NRG1: variants seen among roughly 807,000 people sequenced by gnomAD.
NRG1 encodes neuregulin 1.
NRG1 carries 18 observed loss-of-function variants against 63.8 expected under a neutral mutation model. The ratio of observed to expected loss-of-function variants is 0.28; its 90% CI spans 0.19 to 0.42. The LOEUF (loss-of-function observed/expected upper bound fraction) is 0.42, where lower values mean the gene tolerates loss of function less well. Among genes scored for constraint, NRG1 ranks in the 10% least tolerant of loss-of-function variants. The pLI, the probability that NRG1 is intolerant of heterozygous loss-of-function variation, is 1.00. For synonymous variants in NRG1, 302 were observed against 301.3 expected, an observed-to-expected ratio of 1.00 and a Z score of -0.02; for missense variants, 762 against 814.7, an observed-to-expected ratio of 0.94 and a Z score of 0.79.
At chr8:31,927,649 C>A (rs564706897) in intron 1 of NRG1, among the ~76,000 whole-genome samples, 2 of 148,360 alleles carry the variant, frequency 1.3e-5, no homozygotes, top group Non-Finnish European at 3.0e-5. Context: ...GGGGTTTCAC[C>A]GTTTTAGCCG....
chr8:32,398,519 T>C (rs1321094683), intron 1 of NRG1, among the ~76,000 whole-genome samples: 2 of 151,988 alleles, frequency 1.3e-5, no homozygotes, highest in African/African-American at 2.4e-5. Context: ...CGAGCGATTT[T>C]CCTGCCTCAG....
Position 31,760,723 on chromosome 8 carries a change from A to C in NRG1, c.37+121292A>C, listed in dbSNP as rs569661911. Among the ~76,000 whole-genome samples, 10 of 152,352 alleles carry C rather than the reference A, an allele frequency of 6.6e-5. No homozygotes were observed. The South Asian group carries it at 1.9e-3, about 28-fold the overall frequency. On this transcript the variant is annotated intron_variant, in intron 1 of 10. Coordinates refer to the NRG1 transcript ENST00000519301. ...AAAATGCTCATCATCACTGGCCATCAGAGAAATGCAAATCAAAACCACAAT... is the reference window on the plus strand; with the variant it reads ...AAAATGCTCATCATCACTGGCCATCCGAGAAATGCAAATCAAAACCACAAT...
At chr8:32,407,855 T>G (rs773791548) in intron 1 of NRG1, among the ~76,000 whole-genome samples, 7 of 152,186 alleles carry the variant, frequency 4.6e-5, no homozygotes, top group Non-Finnish European at 8.8e-5. Context: ...AAGAAGAATT[T>G]GACTATAGGG....
intron 1 of NRG1, among the ~76,000 whole-genome samples, chr8:32,026,588 ATTAATG>A (rs1213697701): frequency 6.6e-6 from 1 of 152,216 alleles, no homozygotes; most frequent in African/African-American, 2.4e-5. Flanking sequence ...CTGAAATAAA[ATTAATG>A]TTATTCTACC....
intron 1 of NRG1, among the ~76,000 whole-genome samples, chr8:32,396,168 A>G (rs1012773086): frequency 1.3e-5 from 2 of 152,064 alleles, no homozygotes; most frequent in African/African-American, 4.8e-5. Flanking sequence ...TAAGTCCCCC[A>G]ATGTTTTTCT....
chr8:31,914,422 T>G (rs954018307), intron 1 of NRG1, among the ~76,000 whole-genome samples: 7 of 151,812 alleles, frequency 4.6e-5, no homozygotes, highest in African/African-American at 1.7e-4. Flanking sequence ...TTTTTTTTTT[T>G]GAAGATGACT....
intron 1 of NRG1, among the ~76,000 whole-genome samples, chr8:31,848,015 A>G (rs1427150637): frequency 6.6e-6 from 1 of 152,226 alleles, no homozygotes; most frequent in East Asian, 1.9e-4. Context: ...CTTTCATTCT[A>G]GACACATAAA....
chr8:32,089,115 T>A (rs1414122108), intron 1 of NRG1, among the ~76,000 whole-genome samples: 1 of 152,170 alleles, frequency 6.6e-6, no homozygotes, highest in Admixed American at 6.5e-5. Flanking sequence ...CATGGATCCC[T>A]GGTGGAGGGG....
intron 1 of NRG1, among the ~76,000 whole-genome samples, chr8:31,970,937 G>A (rs1005037626): frequency 6.6e-6 from 1 of 151,974 alleles, no homozygotes; most frequent in Non-Finnish European, 1.5e-5. Flanking sequence ...CCAGCTACTC[G>A]GGAGGCTGAG....
chr8:32,238,731 AC>A (rs1847823044), intron 1 of NRG1, among the ~76,000 whole-genome samples: 1 of 152,170 alleles, frequency 6.6e-6, no homozygotes, highest in South Asian at 2.1e-4. Context: ...TCAGAAGCTT[AC>A]CACACTTCTC....
intron 1 of NRG1, among the ~76,000 whole-genome samples, chr8:31,778,317 G>A (rs539243913): frequency 6.6e-6 from 1 of 152,220 alleles, no homozygotes; most frequent in South Asian, 2.1e-4. Context: ...CGATCCTGGT[G>A]GAAGCATGAA....
chr8:31,918,838 C>T (rs866812516), intron 1 of NRG1, among the ~76,000 whole-genome samples: 1 of 150,678 alleles, frequency 6.6e-6, no homozygotes, highest in Non-Finnish European at 1.5e-5. Context: ...GTCCTGGACT[C>T]TTTTTGGTTG....
intron 1 of NRG1, among the ~76,000 whole-genome samples, chr8:32,550,193 C>T (rs767509220): frequency 8.5e-5 from 13 of 152,130 alleles, no homozygotes; most frequent in Non-Finnish European, 1.8e-4. Context: ...TAAGATCCTG[C>T]TGATCATATT....
intron 1 of NRG1, chr8:32,099,469 G>A (rs946978477): frequency 1.4e-4 from 22 of 152,214 alleles, no homozygotes; most frequent in Admixed American, 1.1e-3. Context: ...GTTTGAATGT[G>A]CAGGTCTAGC....
At chr8:32,554,402 A>G (rs2129525117) in intron 1 of NRG1, among the ~76,000 whole-genome samples, 1 of 152,334 alleles carries the variant, frequency 6.6e-6, no homozygotes, top group Non-Finnish European at 1.5e-5. Flanking sequence ...GTTAGAAAAA[A>G]AGAAGAAATG....
At chr8:32,621,248 A>C (rs922497751) in intron 5 of NRG1, among the ~76,000 whole-genome samples, 3 of 152,230 alleles carry the variant, frequency 2.0e-5, no homozygotes, top group Non-Finnish European at 4.4e-5. Context: ...GATCAAAATT[A>C]TAATTTTCTT....
intron 1 of NRG1, among the ~76,000 whole-genome samples, chr8:32,307,585 G>A (rs756969007): frequency 6.7e-3 from 301 of 44,780 alleles, no homozygotes; most frequent in Middle Eastern, 0.015. Context: ...GGTCACCCAG[G>A]GGTTTGTGTG....
At chr8:32,504,322 G>A (rs1422187443) in intron 1 of NRG1, among the ~76,000 whole-genome samples, 1 of 152,166 alleles carries the variant, frequency 6.6e-6, no homozygotes, top group Non-Finnish European at 1.5e-5. Flanking sequence ...GCTCATGTCT[G>A]ACTAGCTACC....
In NRG1 at chr8:31,652,559, A is replaced by G. The variant is rs376851323; in HGVS notation, c.37+13128A>G. ...GCTACACTGATGGCATTCTCTACAT[A>G]TGCCAGGCAGCTTTAGGGCTCTGTG... On this transcript the variant is annotated intron_variant, in intron 1 of 10. Coordinates refer to the NRG1 transcript ENST00000519301. 5.3e-5 allele frequency among the ~76,000 whole-genome samples: 8 copies of G among 152,114 alleles called. 1 individual carries two copies. The highest frequency in any genetic ancestry group is 4.6e-4 in the Admixed American group (7 of 15,274).
Sources: allele counts gnomAD v4.1 joint callset (sites outside exome capture counted in the v4.1 genomes callset), GRCh38; gene constraint gnomAD v4.1.1; transcripts MANE v1.5; gene names NCBI Gene and HGNC (gene_info 2026-07-23, HGNC 2026-07-21).